Variants in FRMD7 observed in about 807,000 individuals in gnomAD.
FRMD7 encodes the protein FERM domain-containing protein 7.
Under a neutral mutation model 44.1 loss-of-function variants are expected in FRMD7, and 14 were observed. The observed-to-expected ratio is 0.32, with a 90% CI of 0.21 to 0.50. The LOEUF (loss-of-function observed/expected upper bound fraction) is 0.50. Ranked by LOEUF, FRMD7 falls within the 20% of genes least tolerant of loss-of-function variation. The pLI is 0.99. For missense variants in FRMD7, 501 were observed against 522.3 expected (o/e 0.96, Z 0.40); for synonymous variants, 212 against 187.4 (o/e 1.13, Z -1.07).
At chrX:132,108,993 T>C (rs1044644048) in intron 1 of FRMD7, among the ~76,000 whole-genome samples, 1 of 111,954 alleles carries the variant, frequency 8.9e-6, no homozygotes, top group Non-Finnish European at 1.9e-5. Flanking sequence ...TATTTCTTCA[T>C]AGCAGTGTGA....
At chrX:132,085,847 T>A in intron 6 of FRMD7, 73 bp downstream of exon 6, 1 of 1,026,068 alleles carries the variant, frequency 9.7e-7, no homozygotes, top group Non-Finnish European at 1.4e-6. Context: ...GTTTAAGGGC[T>A]TGCTCTTAAG....
chrX:132,105,584 G>T (rs887009228), intron 1 of FRMD7, among the ~76,000 whole-genome samples: 2 of 111,794 alleles, frequency 1.8e-5, no homozygotes, highest in Non-Finnish European at 3.8e-5. Flanking sequence ...AAAGCTGGAG[G>T]CATCACGTTA....
At chrX:132,121,118 T>C (rs898011961) in intron 1 of FRMD7, among the ~76,000 whole-genome samples, 3 of 111,647 alleles carry the variant, frequency 2.7e-5, no homozygotes, top group African/African-American at 9.8e-5. Context: ...GCAGGCTGTT[T>C]AGGCAGGCTG....
intron 1 of FRMD7, among the ~76,000 whole-genome samples, chrX:132,119,979 A>C (rs1409327265): frequency 3.6e-5 from 4 of 111,317 alleles, no homozygotes; most frequent in African/African-American, 1.3e-4. Context: ...TAGTATCACA[A>C]AAGCTAGGCA....
At chrX:132,107,454 T>C (rs1928673104) in intron 1 of FRMD7, among the ~76,000 whole-genome samples, 1 of 111,456 alleles carries the variant, frequency 9.0e-6, no homozygotes, top group Non-Finnish European at 1.9e-5. Flanking sequence ...CAAAATACCA[T>C]AGAGTGGGTG....
At position 132,085,703 on chromosome X, in the gene FRMD7, T is replaced by C. The variant is rs1295026486; in HGVS notation, c.523A>G (p.Ile175Val). Reference protein sequence around the residue: ...HIGRSPAESDILLLDIARKLD... With the variant: ...HIGRSPAESDVLLLDIARKLD... ...TTCCTTGCTATGTCCAGTAGCAGAA[T>C]GTCAGATTCAGCTGGGCTCCTGCCA... Residue 175 changes from isoleucine to valine, a missense_variant, in exon 7 of 12, where the codon ATT (isoleucine) becomes GTT (valine). This residue lies in a region of FRMD7 where 453 missense variants were observed against 452.7 expected (regional missense o/e 1.00). Coordinates refer to ENST00000298542, the MANE Select transcript of FRMD7 (RefSeq NM_194277.3). 9 of 1,208,827 alleles carry C rather than the reference T, an allele frequency of 7.4e-6. No homozygotes were observed. The highest frequency in any genetic ancestry group is 2.3e-4 in the Middle Eastern group (1 of 4,371).
chrX:132,099,363 C>A (rs1319181016), intron 3 of FRMD7, 105 bp downstream of exon 3: 1 of 618,289 alleles, frequency 1.6e-6, no homozygotes, highest in Non-Finnish European at 2.7e-6. Context: ...TATCTCAAAG[C>A]CCTTTTCTCC....
chrX:132,100,583 CA>C (rs1457051294), intron 2 of FRMD7, 28 bp downstream of exon 2: 1 of 1,015,576 alleles, frequency 9.8e-7, no homozygotes, highest in African/African-American at 1.9e-5. Context: ...ATGCTAGACA[CA>C]AAGAACCCTA....
chrX:132,123,245 G>A (rs1171949469), intron 1 of FRMD7, among the ~76,000 whole-genome samples: 1 of 111,179 alleles, frequency 9.0e-6, no homozygotes, highest in African/African-American at 3.3e-5. Flanking sequence ...ACTTACCCAC[G>A]GCTCCACAGC....
At chrX:132,100,766 C>T (rs779062384) in intron 1 of FRMD7, 50 bp from the exon 2 acceptor site, 1 of 877,657 alleles carries the variant, frequency 1.1e-6, no homozygotes, top group Admixed American at 2.2e-5. Context: ...TAACCTGATA[C>T]TGCAGCACGG....
intron 5 of FRMD7, among the ~76,000 whole-genome samples, chrX:132,089,766 A>T (rs1413620500): frequency 8.9e-6 from 1 of 112,248 alleles, no homozygotes; most frequent in Non-Finnish European, 1.9e-5. Context: ...GAAAATGCTA[A>T]TTAAAATTGC....
chrX:132,084,328 A>G (rs1927915341), intron 8 of FRMD7, among the ~76,000 whole-genome samples, 162 bp downstream of exon 8: 1 of 111,952 alleles, frequency 8.9e-6, no homozygotes, highest in Admixed American at 9.5e-5. Flanking sequence ...TTTAGTAAAA[A>G]ATGATTAAAA....
At position 132,108,452 on chromosome X, in the gene FRMD7, C is replaced by A. The variant is rs766294368; in HGVS notation, c.58-7736G>T. Among the ~76,000 whole-genome samples, 248 of 111,769 alleles carry A rather than the reference C, an allele frequency of 2.2e-3. 1 individual carries two copies. Among genetic ancestry groups the A allele is most frequent in the African/African-American group, 7.6e-3 (235 of 30,754 alleles). On this transcript the variant is annotated intron_variant, in intron 1 of 11. Coordinates refer to ENST00000298542, the MANE Select transcript of FRMD7 (RefSeq NM_194277.3). Reference sequence around the variant, plus strand: ...AAAAGGGATCACAGGGAGCTTCTAGCGAGAATATTCATGTAAAGTACTTTA... The same window carrying A: ...AAAAGGGATCACAGGGAGCTTCTAGAGAGAATATTCATGTAAAGTACTTTA...
intron 1 of FRMD7, among the ~76,000 whole-genome samples, chrX:132,110,035 A>T (rs990823171): frequency 2.1e-4 from 23 of 111,055 alleles, no homozygotes; most frequent in Non-Finnish European, 3.8e-5. Flanking sequence ...ACAAGGTCAG[A>T]GTTGTGTCTT....
intron 3 of FRMD7, among the ~76,000 whole-genome samples, chrX:132,097,671 A>G (rs1569344550): frequency 9.0e-6 from 1 of 111,685 alleles, no homozygotes; most frequent in African/African-American, 3.3e-5. Flanking sequence ...AGAAAAATAC[A>G]GCACTTGCTA....
Position 132,077,903 on chromosome X carries a change from G to A in FRMD7, c.2114C>T (p.Ser705Leu), listed in dbSNP as rs1259890351. ...FNTPTAEDRTSLKPCNYFLA is the reference protein window; with the variant it reads ...FNTPTAEDRTLLKPCNYFLA ...TAAAAAGTAATTACATGGTTTTAGT[G>A]AAGTCCTGTCTTCAGCAGTTGGTGT... is the stretch of plus-strand genomic sequence containing the variant. Residue 705 changes from serine to leucine, a missense_variant, in exon 12 of 12, where the codon TCA (serine) becomes TTA (leucine). By Grantham distance (145) the Ser-to-Leu change is moderately radical. Transcript: ENST00000298542. 4.1e-6 allele frequency: 5 copies of A among 1,209,789 alleles called. No homozygotes were observed. In the Admixed American group the frequency reaches 1.1e-4, roughly 26 times the overall value.
rs1435539745 is a variant in FRMD7, at chrX:132,077,209, GT to G, written c.*662del. Reference sequence around the variant, plus strand: ...TAAAACAACATGATACTTTCATCTGGTTTATGTCTGGCTCTAGAAATTGATT... The same window carrying G: ...TAAAACAACATGATACTTTCATCTGGTTATGTCTGGCTCTAGAAATTGATT... On this transcript the variant is annotated 3_prime_UTR_variant, in exon 12 of 12. Transcript: ENST00000298542. 1 of 111,023 alleles carries G rather than the reference GT, an allele frequency of 9.0e-6. No homozygotes were observed. Among genetic ancestry groups the G allele is most frequent in the East Asian group, 2.8e-4 (1 of 3,551 alleles). 9.1% of individuals were successfully genotyped at this position (111,023 alleles called of 1,213,427 possible). A position where few individuals can be genotyped will look rare whatever the true frequency, so the allele number is the denominator to read the frequency against.
chrX:132,115,791 G>A lies in FRMD7; in HGVS notation c.57+11997C>T, dbSNP rs369018311. 1.9e-4 allele frequency among the ~76,000 whole-genome samples: 21 copies of A among 111,077 alleles called. No homozygotes were observed. The East Asian group carries it at 5.9e-3, about 31-fold the overall frequency. On this transcript the variant is annotated intron_variant, in intron 1 of 11. Transcript: ENST00000298542. The stretch of plus-strand genomic sequence containing the variant: ...GACATTTGCTTTTCTCAACTTAGGA[G>A]GCTCTAGTCCACATTCCTCCAAATG...
At chrX:132,113,581 A>G (rs946460916) in intron 1 of FRMD7, among the ~76,000 whole-genome samples, 1 of 111,649 alleles carries the variant, frequency 9.0e-6, no homozygotes, top group East Asian at 2.8e-4. Context: ...AACAGCTAGA[A>G]CTTGTTTTTT....
Sources: allele counts gnomAD v4.1 joint callset (sites outside exome capture counted in the v4.1 genomes callset), GRCh38; gene constraint gnomAD v4.1.1; regional missense constraint gnomAD v4.1.1; transcripts MANE v1.5; gene names NCBI Gene and HGNC (gene_info 2026-07-23, HGNC 2026-07-21).